Variants in AP3S1 observed in about 807,000 individuals in gnomAD.
The protein encoded by AP3S1 is adaptor related protein complex 3 subunit sigma 1, also known as AP-3 complex subunit sigma-1.
Under a neutral mutation model 21.3 loss-of-function variants are expected in AP3S1, and 12 were observed. That is an observed-to-expected ratio of 0.56 (90% CI 0.36 to 0.91). The LOEUF (loss-of-function observed/expected upper bound fraction) is 0.91. AP3S1 is among the 40% of genes least tolerant of loss of function. The pLI is 0.01. For synonymous variants in AP3S1, 48 were observed against 78.4 expected (o/e 0.61, Z 2.05); for missense variants, 116 against 225.0 (o/e 0.52, Z 3.10).
At chr5:115,853,174 G>A (rs901228435) in intron 1 of AP3S1, among the ~76,000 whole-genome samples, 5 of 152,104 alleles carry the variant, frequency 3.3e-5, no homozygotes, top group South Asian at 2.1e-4. Flanking sequence ...GTCCTGATGG[G>A]TATCAAGTAG....
At chr5:115,909,361 A>C (rs1232732982) in intron 5 of AP3S1, among the ~76,000 whole-genome samples, 1 of 152,200 alleles carries the variant, frequency 6.6e-6, no homozygotes, top group African/African-American at 2.4e-5. Flanking sequence ...TTTGTGATTC[A>C]AGTGCTTGAA....
chr5:115,847,315 T>A (rs919314294), intron 1 of AP3S1, among the ~76,000 whole-genome samples: 2 of 152,298 alleles, frequency 1.3e-5, no homozygotes, highest in African/African-American at 4.8e-5. Flanking sequence ...TCTAAACTTT[T>A]AAAAAAATAT....
intron 3 of AP3S1, among the ~76,000 whole-genome samples, chr5:115,873,452 A>G (rs186309923): frequency 6.6e-6 from 1 of 152,278 alleles, no homozygotes; most frequent in East Asian, 1.9e-4. Flanking sequence ...AATACCCCTG[A>G]GTTACCACAT....
chr5:115,856,558 G>C (rs1192694607), intron 1 of AP3S1, among the ~76,000 whole-genome samples: 1 of 151,942 alleles, frequency 6.6e-6, no homozygotes, highest in Non-Finnish European at 1.5e-5. Flanking sequence ...AGGGCTCAAG[G>C]GCCTCAAGGG....
At chr5:115,888,668 C>G (rs377681555) in intron 3 of AP3S1, among the ~76,000 whole-genome samples, 2 of 151,806 alleles carry the variant, frequency 1.3e-5, no homozygotes, top group African/African-American at 4.8e-5. Flanking sequence ...TAAATGTGGA[C>G]AGCATTTTTT....
At position 115,866,726 on chromosome 5, in the gene AP3S1, A is replaced by C; in HGVS notation, c.126A>C (p.Arg42Ser). 6.2e-7 allele frequency: 1 copy of C among 1,605,294 alleles called. No homozygotes were observed. Among genetic ancestry groups the C allele is most frequent in the Non-Finnish European group, 8.5e-7 (1 of 1,174,786 alleles). The change falls in exon 2 of 6, where the codon AGA (arginine) becomes AGC (serine). Residue 42 changes from arginine to serine, a missense_variant. Physicochemically the swap from Arg to Ser is moderately radical, Grantham distance 110. Transcript: ENST00000316788. Reference sequence around the variant, plus strand: ...AGACTTTCCATTTGGTATCTAAGAGAGATGAAAATGTTTGTAATTTCCTAG... The same window carrying C: ...AGACTTTCCATTTGGTATCTAAGAGCGATGAAAATGTTTGTAATTTCCTAG... ...IRETFHLVSK[R>S]DENVCNFLEG...
At chr5:115,846,839 C>T (rs1762099995) in intron 1 of AP3S1, among the ~76,000 whole-genome samples, 1 of 152,060 alleles carries the variant, frequency 6.6e-6, no homozygotes, top group African/African-American at 2.4e-5. Flanking sequence ...TGGTTTCCTT[C>T]CATATTAGTT....
chr5:115,848,949 C>T (rs1213680674), intron 1 of AP3S1, among the ~76,000 whole-genome samples: 1 of 152,284 alleles, frequency 6.6e-6, no homozygotes, highest in South Asian at 2.1e-4. Context: ...TCTTAAGATT[C>T]CAAGTGGAGG....
At chr5:115,844,994 A>C (rs1372568136) in intron 1 of AP3S1, among the ~76,000 whole-genome samples, 6 of 152,180 alleles carry the variant, frequency 3.9e-5, no homozygotes, top group African/African-American at 1.4e-4. Context: ...CTAGCTTGGG[A>C]TAGAGTTGGG....
chr5:115,891,587 AC>A (rs1291202827), intron 3 of AP3S1, among the ~76,000 whole-genome samples: 3 of 152,178 alleles, frequency 2.0e-5, no homozygotes, highest in African/African-American at 7.2e-5. Flanking sequence ...TACAAAGGAT[AC>A]AGATGGGTGG....
chr5:115,845,566 G>GCT (rs1263718265), intron 1 of AP3S1, among the ~76,000 whole-genome samples: 4 of 152,052 alleles, frequency 2.6e-5, no homozygotes, highest in African/African-American at 9.7e-5. Flanking sequence ...GGGTGCCATG[G>GCT]CTCATGCCTG....
chr5:115,879,865 A>G (rs947468921), intron 3 of AP3S1, among the ~76,000 whole-genome samples: 8 of 152,160 alleles, frequency 5.3e-5, no homozygotes, highest in African/African-American at 1.9e-4. Flanking sequence ...GCTATTAATT[A>G]CTGCCTCAAT....
At chr5:115,900,941 T>C (rs1374144113) in intron 4 of AP3S1, among the ~76,000 whole-genome samples, 1 of 152,344 alleles carries the variant, frequency 6.6e-6, no homozygotes. Flanking sequence ...TGCAGCTTGC[T>C]TCTCTGACAG....
rs947319568 is a variant in AP3S1, at chr5:115,884,574, CCAA to C, written c.274-10500_274-10498del. On this transcript the variant is annotated intron_variant, in intron 3 of 5. Transcript: ENST00000316788. ...TGGGTGACAGGGTGAGACTTCGTCT[CCAA>C]CAACAACAACAAGAAAAATCCCATT... is the stretch of plus-strand genomic sequence containing the variant. 2.4e-3 allele frequency among the ~76,000 whole-genome samples: 365 copies of C among 152,202 alleles called. 3 individuals are homozygous for C. The highest frequency in any genetic ancestry group is 8.3e-3 in the African/African-American group (343 of 41,524).
chr5:115,883,324 C>A (rs1182515392), intron 3 of AP3S1, among the ~76,000 whole-genome samples: 1 of 152,188 alleles, frequency 6.6e-6, no homozygotes, highest in Non-Finnish European at 1.5e-5. Context: ...AACCCAGGGA[C>A]CTGGTGGTAT....
chr5:115,881,069 C>G (rs1406691669), intron 3 of AP3S1, among the ~76,000 whole-genome samples: 1 of 151,814 alleles, frequency 6.6e-6, no homozygotes, highest in Non-Finnish European at 1.5e-5. Context: ...TTCCTCCATA[C>G]CATTATTTTG....
chr5:115,850,671 T>TTA (rs1762377137), intron 1 of AP3S1, among the ~76,000 whole-genome samples: 1 of 152,208 alleles, frequency 6.6e-6, no homozygotes, highest in Non-Finnish European at 1.5e-5. Flanking sequence ...TTCACTCATG[T>TTA]TATGTAGCAT....
chr5:115,908,350 C>T (rs1372787048), intron 5 of AP3S1, among the ~76,000 whole-genome samples: 1 of 151,992 alleles, frequency 6.6e-6, no homozygotes, highest in Non-Finnish European at 1.5e-5. Context: ...TGTTAATTGG[C>T]CTTTTTTAAA....
intron 3 of AP3S1, among the ~76,000 whole-genome samples, chr5:115,894,075 A>G (rs1024278741): frequency 2.0e-5 from 3 of 152,226 alleles, no homozygotes; most frequent in African/African-American, 4.8e-5. Flanking sequence ...AGAAGTTGCT[A>G]TATGCATGCT....
Sources: allele counts gnomAD v4.1 joint callset (sites outside exome capture counted in the v4.1 genomes callset), GRCh38; gene constraint gnomAD v4.1.1; transcripts MANE v1.5; gene names NCBI Gene and HGNC (gene_info 2026-07-23, HGNC 2026-07-21).